The following HOGA1 variants were observed in gnomAD, a reference collection of about 807,000 sequenced individuals.
HOGA1 encodes the protein 4-hydroxy-2-oxoglutarate aldolase 1.
HOGA1 carries 30 observed loss-of-function variants against 34.3 expected under a neutral mutation model. The observed-to-expected ratio is 0.87, with a 90% confidence interval of 0.65 to 1.19. The LOEUF (loss-of-function observed/expected upper bound fraction) is 1.19. HOGA1 is among the 50% of genes most tolerant of loss of function. The probability of loss-of-function intolerance (pLI) is 0.00; values close to 1 mark genes in which losing one functional copy is unlikely to be tolerated. For synonymous variants in HOGA1, 161 were observed against 174.0 expected (o/e 0.93, Z 0.59); for missense variants, 417 against 436.5 (o/e 0.96, Z 0.40).
chr10:97,599,269 A>T, intron 3 of HOGA1, 53 bp downstream of exon 3: 1 of 1,609,310 alleles, frequency 6.2e-7, no homozygotes, highest in Non-Finnish European at 8.5e-7. Context: ...AGAGGAGATA[A>T]GGGAAGCTGG....
intron 6 of HOGA1, among the ~76,000 whole-genome samples, chr10:97,605,994 CT>C: frequency 6.6e-6 from 1 of 151,988 alleles, no homozygotes; most frequent in Non-Finnish European, 1.5e-5. Flanking sequence ...TCTAATAACT[CT>C]TAAAGAGTTC....
chr10:97,600,477 C>T (rs2135722821), intron 5 of HOGA1: 1 of 443,218 alleles, frequency 2.3e-6, no homozygotes, highest in Non-Finnish European at 4.2e-6. Flanking sequence ...CCACCTTGTA[C>T]ATCATTCTCT....
intron 1 of HOGA1, 31 bp downstream of exon 1, chr10:97,584,945 G>A (rs916935304): frequency 2.5e-6 from 4 of 1,589,310 alleles, no homozygotes; most frequent in African/African-American, 2.7e-5. Context: ...TGGGACCTGG[G>A]GAGATGTGAG....
intron 1 of HOGA1, chr10:97,589,931 G>T (rs1226353172): frequency 6.2e-7 from 1 of 1,613,758 alleles, no homozygotes; most frequent in Non-Finnish European, 8.5e-7. Context: ...GAGAAGAAAG[G>T]AAACCTCTGA....
At chr10:97,588,623 A>G (rs2040991400) in intron 1 of HOGA1, among the ~76,000 whole-genome samples, 1 of 152,196 alleles carries the variant, frequency 6.6e-6, no homozygotes, top group South Asian at 2.1e-4. Context: ...TGGACTTTGA[A>G]TTGTTATTTC....
At chr10:97,589,564 C>T (rs1226291252) in intron 1 of HOGA1, among the ~76,000 whole-genome samples, 1 of 152,080 alleles carries the variant, frequency 6.6e-6, no homozygotes, top group Non-Finnish European at 1.5e-5. Flanking sequence ...AGGACCCAGG[C>T]CTCAGGCAAT....
intron 6 of HOGA1, 138 bp downstream of exon 6, chr10:97,602,128 T>C: frequency 6.5e-7 from 1 of 1,549,740 alleles, no homozygotes; most frequent in Non-Finnish European, 8.7e-7. Context: ...CATCCCAGTG[T>C]GGGAACTCCT....
intron 6 of HOGA1, among the ~76,000 whole-genome samples, chr10:97,610,555 C>T (rs1043697053): frequency 2.6e-5 from 4 of 151,964 alleles, no homozygotes; most frequent in South Asian, 2.1e-4. Context: ...GAGGCCGAGG[C>T]GGGCAGATCA....
chr10:97,595,444 C>T (rs1383547396), intron 1 of HOGA1, among the ~76,000 whole-genome samples: 1 of 152,218 alleles, frequency 6.6e-6, no homozygotes, highest in Non-Finnish European at 1.5e-5. Flanking sequence ...CCCATAATCC[C>T]CAGCACTTTG....
intron 3 of HOGA1, 68 bp downstream of exon 3, chr10:97,599,284 A>G: frequency 6.3e-7 from 1 of 1,585,512 alleles, no homozygotes; most frequent in Non-Finnish European, 8.6e-7. Flanking sequence ...AGCTGGGAAT[A>G]GGGTGGTGCT....
Position 97,607,057 on chromosome 10 carries a change from G to T in HOGA1, c.835-4453G>T, listed in dbSNP as rs76347768. Among the ~76,000 whole-genome samples the T allele has an allele frequency of 7.4e-3, 1,106 of 149,804 alleles. 11 individuals carry two copies. The highest frequency in any genetic ancestry group is 0.025 in the African/African-American group (1,033 of 40,524). On this transcript the variant is annotated intron_variant, in intron 6 of 6. Transcript: ENST00000370646. ...GATAGAGACGGCAGTATTGCTTGAG[G>T]CCAGGAGTTTGAGACCCACCTGGGC...
chr10:97,584,420 CTT>C lies in HOGA1; in HGVS notation c.-282_-281del. 2 of 401,926 alleles carry C rather than the reference CTT, an allele frequency of 5.0e-6. No homozygotes were observed. The highest frequency in any genetic ancestry group is 2.0e-5 in the African/African-American group (1 of 49,710). The allele number at this position is 401,926 out of a possible 1,614,324, so 24.9% of individuals were successfully genotyped here. On this transcript the variant is annotated 5_prime_UTR_variant, in exon 1 of 7. Transcript: ENST00000370646. ...CACTGGAGATACCGAAGGAGATACT[CTT>C]TAGTATTGGGATCCCAGAAACCAGT...
chr10:97,611,732 A>C lies in HOGA1; in HGVS notation c.*73A>C, dbSNP rs2041197859. 1 of 1,530,684 alleles carries C rather than the reference A, an allele frequency of 6.5e-7. No homozygotes were observed. The highest frequency in any genetic ancestry group is 8.8e-7 in the Non-Finnish European group (1 of 1,133,422). 94.8% of individuals were successfully genotyped at this position (1,530,684 alleles called of 1,614,324 possible). A position where few individuals can be genotyped will look rare whatever the true frequency, so the allele number is the denominator to read the frequency against. Reference sequence around the variant, plus strand: ...CTTGCACTTGCAGCCTGAAGCGGAGAGCACAGGGGGATGAGGGTGGCAGGC... The same window carrying C: ...CTTGCACTTGCAGCCTGAAGCGGAGCGCACAGGGGGATGAGGGTGGCAGGC... On this transcript the variant is annotated 3_prime_UTR_variant, in exon 7 of 7. Coordinates refer to ENST00000370646, the MANE Select transcript of HOGA1 (RefSeq NM_138413.4).
intron 1 of HOGA1, chr10:97,590,863 A>G (rs1317347951): frequency 8.2e-6 from 4 of 486,766 alleles, no homozygotes; most frequent in Non-Finnish European, 1.5e-5. Context: ...GAGAAGACAG[A>G]TGGGAGCAGG....
At chr10:97,602,189 G>T (rs1589909869) in intron 6 of HOGA1, 199 bp downstream of exon 6, 1 of 1,545,338 alleles carries the variant, frequency 6.5e-7, no homozygotes. Context: ...ACCACTGATT[G>T]TCAAACTTAA....
At chr10:97,599,068 C>T (rs2041094746) in intron 2 of HOGA1, 21 bp from the exon 3 acceptor site, 2 of 1,611,580 alleles carry the variant, frequency 1.2e-6, no homozygotes, top group Non-Finnish European at 8.5e-7. Flanking sequence ...CCTGCTCTCA[C>T]CTCTCTCCTT....
rs772441887 is a variant in HOGA1 at position 97,598,801 on chromosome 10, G to C, written c.238G>C (p.Glu80Gln). Residue 80 changes from glutamate (E) to glutamine (Q), a missense_variant, in exon 2 of 7, where the codon GAG (glutamate) becomes CAG (glutamine). Physicochemically the swap from Glu to Gln is conservative, Grantham distance 29 (BLOSUM62 2). Transcript: ENST00000370646. The stretch of plus-strand genomic sequence containing the variant: ...CTTCGTGGTCCAGGGCTCCAATGGC[G>C]AGTTTCCTTTCCTGACCAGCAGTGA... ...RGFVVQGSNG[E>Q]FPFLTSSERL... is the part of the protein sequence containing the mutation. 6.2e-7 allele frequency: 1 copy of C among 1,614,160 alleles called. No homozygotes were observed.
chr10:97,602,602 C>CCTTT (rs2041128012), intron 6 of HOGA1: 2 of 984,240 alleles, frequency 2.0e-6, no homozygotes, highest in Middle Eastern at 5.2e-4. Flanking sequence ...TACATTTTAT[C>CCTTT]CTTTCTTTCC....
chr10:97,600,628 G>A (rs562818729), intron 5 of HOGA1: 158 of 214,548 alleles, frequency 7.4e-4, no homozygotes, highest in Middle Eastern at 3.9e-3. Flanking sequence ...TTCCAATCCA[G>A]GATCCCTAGG....
Sources: gnomAD v4.1 joint callset for allele counts (sites outside exome capture counted in the v4.1 genomes callset) on GRCh38, gnomAD v4.1.1 for gene constraint, MANE v1.5 for transcripts, NCBI Gene and HGNC (gene_info 2026-07-23, HGNC 2026-07-21) for gene names.